RBFOX1: variants seen among roughly 807,000 people sequenced by gnomAD.
RBFOX1 encodes the protein RNA binding fox-1 homolog 1.
A neutral mutation model predicts 57.7 loss-of-function variants in RBFOX1; 8 were observed. That is an observed-to-expected ratio of 0.14 (90% CI 0.08 to 0.25). The LOEUF (loss-of-function observed/expected upper bound fraction) is 0.25, where lower values mean the gene tolerates loss of function less well. Among genes scored for constraint, RBFOX1 ranks in the 10% least tolerant of loss-of-function variants. The pLI, the probability that RBFOX1 is intolerant of heterozygous loss-of-function variation, is 1.00. For missense variants in RBFOX1, 611 were observed against 548.5 expected (o/e 1.11, Z -1.14); for synonymous variants, 326 against 222.4 (o/e 1.47, Z -4.15).
At chr16:6,411,688 G>A (rs964193462) in intron 2 of RBFOX1, among the ~76,000 whole-genome samples, 25 of 152,202 alleles carry the variant, frequency 1.6e-4, no homozygotes, top group African/African-American at 5.5e-4. Context: ...TACCTTGGAT[G>A]AGTCTAACCT....
intron 3 of RBFOX1, among the ~76,000 whole-genome samples, chr16:6,924,375 G>A (rs2075128686): frequency 6.6e-6 from 1 of 151,960 alleles, no homozygotes; most frequent in Non-Finnish European, 1.5e-5. Context: ...AGAGAGAGGG[G>A]AGGAGGTGCC....
intron 4 of RBFOX1, among the ~76,000 whole-genome samples, chr16:5,953,704 T>TTATA (rs369586168): frequency 0.025 from 3,474 of 138,662 alleles, 91 homozygotes; most frequent in African/African-American, 0.076. Context: ...GTCTTCTGTC[T>TTATA]TATATATATA....
Position 7,699,268 on chromosome 16 carries a change from G to A in RBFOX1, c.996-9788G>A, listed in dbSNP as rs969275617. Among the ~76,000 whole-genome samples the A allele has an allele frequency of 6.0e-5, 5 of 83,238 alleles. No individual in the cohort carries two copies. In the East Asian group the frequency reaches 8.7e-4, roughly 14 times the overall value. The allele number at this position is 83,238 out of a possible 152,430, so 54.6% of individuals were successfully genotyped here. A position where few individuals can be genotyped will look rare whatever the true frequency, so the allele number is the denominator to read the frequency against. ...TGCAATAGCCTGATCTTAGCTTCCTGTAATCCTGGACCTCCTGGGATCTAG... is the reference window on the plus strand; with the variant it reads ...TGCAATAGCCTGATCTTAGCTTCCTATAATCCTGGACCTCCTGGGATCTAG... On this transcript the variant is annotated intron_variant, in intron 14 of 15. Coordinates refer to ENST00000550418, the MANE Select transcript of RBFOX1 (RefSeq NM_018723.4).
At chr16:5,704,721 C>T (rs1379947954) in intron 3 of RBFOX1, among the ~76,000 whole-genome samples, 1 of 152,042 alleles carries the variant, frequency 6.6e-6, no homozygotes, top group Non-Finnish European at 1.5e-5. Flanking sequence ...TTTTGGGGGG[C>T]TCTCCCAGGA....
chr16:5,306,803 G>A (rs768477947), intron 1 of RBFOX1, among the ~76,000 whole-genome samples: 1 of 152,150 alleles, frequency 6.6e-6, no homozygotes, highest in South Asian at 2.1e-4. Flanking sequence ...TTGCAGGACC[G>A]TAAGACAAAG....
At chr16:5,929,451 T>C (rs1213709743) in intron 4 of RBFOX1, among the ~76,000 whole-genome samples, 1 of 152,184 alleles carries the variant, frequency 6.6e-6, no homozygotes, top group African/African-American at 2.4e-5. Flanking sequence ...ATCAAACTCC[T>C]CTGGGACTCA....
intron 3 of RBFOX1, among the ~76,000 whole-genome samples, chr16:6,968,142 G>C (rs551642134): frequency 1.3e-5 from 2 of 152,138 alleles, no homozygotes; most frequent in East Asian, 1.9e-4. Flanking sequence ...ACCACCGCTA[G>C]ACTCGGCCTC....
intron 1 of RBFOX1, among the ~76,000 whole-genome samples, chr16:6,212,605 G>A (rs1026200955): frequency 6.6e-6 from 1 of 152,120 alleles, no homozygotes; most frequent in Non-Finnish European, 1.5e-5. Flanking sequence ...TACTTGGGAG[G>A]CTGAGGCTGG....
At chr16:7,500,458 C>G (rs1030730971) in intron 4 of RBFOX1, among the ~76,000 whole-genome samples, 3 of 152,162 alleles carry the variant, frequency 2.0e-5, no homozygotes, top group African/African-American at 7.2e-5. Flanking sequence ...ATTCAGTTTT[C>G]TTATTCCCCC....
intron 4 of RBFOX1, among the ~76,000 whole-genome samples, chr16:7,106,805 G>GAAACAAGTATTTA (rs2063667230): frequency 6.6e-6 from 1 of 151,824 alleles, no homozygotes; most frequent in Admixed American, 6.6e-5. Context: ...CCTAAAAGGT[G>GAAACAAGTATTTA]TCTGCTGGAC....
intron 3 of RBFOX1, among the ~76,000 whole-genome samples, chr16:5,850,562 A>G (rs944701778): frequency 6.6e-6 from 1 of 152,226 alleles, no homozygotes; most frequent in Non-Finnish European, 1.5e-5. Flanking sequence ...GTAACGATGC[A>G]TTATGACAGC....
At chr16:5,364,873 T>A (rs1596674288) in intron 1 of RBFOX1, among the ~76,000 whole-genome samples, 1 of 152,132 alleles carries the variant, frequency 6.6e-6, no homozygotes, top group African/African-American at 2.4e-5. Flanking sequence ...GGACCCCATC[T>A]GTGAAACGCA....
At chr16:7,312,030 G>A (rs2096323620) in intron 4 of RBFOX1, among the ~76,000 whole-genome samples, 1 of 152,176 alleles carries the variant, frequency 6.6e-6, no homozygotes, top group African/African-American at 2.4e-5. Flanking sequence ...ATGCAAATGG[G>A]AACACTTAGC....
rs563376794 is a variant in RBFOX1, at chr16:5,305,619, C to A, written c.219+65514C>A. Among the ~76,000 whole-genome samples, 4 of 152,208 alleles carry A rather than the reference C, an allele frequency of 2.6e-5. No individual in the cohort carries two copies. In the South Asian group the frequency reaches 8.3e-4, roughly 32 times the overall value. On this transcript the variant is annotated intron_variant, in intron 1 of 2. Coordinates refer to the RBFOX1 transcript ENST00000585867. ...CTTGCAAGAGATGTCTTGTGAAATTCTTTTCTTGTGAAAAATAAAGTCTGC... is the reference window on the plus strand; with the variant it reads ...CTTGCAAGAGATGTCTTGTGAAATTATTTTCTTGTGAAAAATAAAGTCTGC...
intron 5 of RBFOX1, among the ~76,000 whole-genome samples, chr16:7,573,315 G>T (rs1434277818): frequency 1.3e-5 from 2 of 152,102 alleles, no homozygotes; most frequent in African/African-American, 4.8e-5. Context: ...AGTCACAGCC[G>T]AGAACACTGA....
chr16:6,994,293 A>G (rs1335326268), intron 3 of RBFOX1, among the ~76,000 whole-genome samples: 2 of 152,156 alleles, frequency 1.3e-5, no homozygotes, highest in Non-Finnish European at 1.5e-5. Context: ...TAATGAAGCC[A>G]TCTTCATCTT....
intron 3 of RBFOX1, among the ~76,000 whole-genome samples, chr16:6,744,862 T>C (rs1344370880): frequency 6.6e-6 from 1 of 152,000 alleles, no homozygotes; most frequent in Non-Finnish European, 1.5e-5. Context: ...AAACAGGTAG[T>C]AGGCCAAAAA....
At chr16:5,904,700 G>A (rs1051885978) in intron 4 of RBFOX1, among the ~76,000 whole-genome samples, 4 of 151,992 alleles carry the variant, frequency 2.6e-5, no homozygotes, top group Admixed American at 6.6e-5. Context: ...CAGATGGGCC[G>A]GGCACAGTGT....
At chr16:6,751,567 C>T (rs2074935448) in intron 3 of RBFOX1, among the ~76,000 whole-genome samples, 1 of 152,142 alleles carries the variant, frequency 6.6e-6, no homozygotes, top group African/African-American at 2.4e-5. Flanking sequence ...GTAGAACATA[C>T]AGTGCTTCCT....
Sources: gnomAD v4.1 joint callset for allele counts (sites outside exome capture counted in the v4.1 genomes callset) on GRCh38, gnomAD v4.1.1 for gene constraint, MANE v1.5 for transcripts, NCBI Gene and HGNC (gene_info 2026-07-23, HGNC 2026-07-21) for gene names.